Variants in TRIM55 observed in about 807,000 individuals in gnomAD.
The protein encoded by TRIM55 is tripartite motif containing 55, also known as tripartite motif-containing protein 55.
A neutral mutation model predicts 60.9 loss-of-function variants in TRIM55; 50 were observed. The observed-to-expected ratio is 0.82, with a 90% CI of 0.65 to 1.04. TRIM55 has a LOEUF of 1.04. Ranked by LOEUF, TRIM55 falls within the 50% of genes least tolerant of loss-of-function variation. TRIM55 has a pLI of 0.00. For missense variants in TRIM55, 681 were observed against 666.9 expected, an observed-to-expected ratio of 1.02 and a Z score of -0.23; for synonymous variants, 237 against 238.1, an observed-to-expected ratio of 1.00 and a Z score of 0.04.
chr8:66,171,082 A>C (rs1811600463), intron 9 of TRIM55, among the ~76,000 whole-genome samples: 1 of 152,168 alleles, frequency 6.6e-6, no homozygotes, highest in Non-Finnish European at 1.5e-5. Flanking sequence ...CTAAGGATGC[A>C]TTTCTTTTTT....
At position 66,149,828 on chromosome 8, in the gene TRIM55, G is replaced by T. The variant is rs759052558; in HGVS notation, c.787G>T (p.Glu263Ter). Reference sequence around the variant, plus strand: ...TTTGGAGAACGTCTCAAAGTTGGTTGAGTCAGGAATTCAGTTTATGGATGA... The same window carrying T: ...TTTGGAGAACGTCTCAAAGTTGGTTTAGTCAGGAATTCAGTTTATGGATGA... ...DHLENVSKLV[E>*]SGIQFMDEPE... Residue 263 changes from glutamate to a stop codon, truncating the protein, a stop_gained, in exon 5 of 10, where the codon GAG becomes TAG. Coordinates refer to ENST00000315962, the MANE Select transcript of TRIM55 (RefSeq NM_184085.2). LOFTEE classifies it high-confidence loss of function. The T allele has an allele frequency of 6.2e-7, 1 of 1,614,196 alleles. No individual in the cohort carries two copies. Among genetic ancestry groups the T allele is most frequent in the East Asian group, 2.2e-5 (1 of 44,870 alleles).
At chr8:66,146,772 G>A (rs1810117714) in intron 4 of TRIM55, among the ~76,000 whole-genome samples, 1 of 152,166 alleles carries the variant, frequency 6.6e-6, no homozygotes, top group South Asian at 2.1e-4. Flanking sequence ...CAGTTTCTAG[G>A]CCTGGTTGAA....
At position 66,155,524 on chromosome 8, in the gene TRIM55, G is replaced by A. The variant is rs548675494; in HGVS notation, c.1524+1190G>A. 65 of 851,728 alleles carry A rather than the reference G, an allele frequency of 7.6e-5. No individual in the cohort carries two copies. In the Admixed American group the frequency reaches 7.9e-4, roughly 10 times the overall value. 52.8% of individuals were successfully genotyped at this position (851,728 alleles called of 1,614,324 possible). On this transcript the variant is annotated intron_variant, in intron 9 of 9. Transcript: ENST00000315962. Reference sequence around the variant, plus strand: ...TAGTGCACTACCCCATGAAGAGCACGTAGTAGGGCTCAAGCCAAAATGAAA... The same window carrying A: ...TAGTGCACTACCCCATGAAGAGCACATAGTAGGGCTCAAGCCAAAATGAAA...
intron 4 of TRIM55, among the ~76,000 whole-genome samples, chr8:66,140,612 C>G (rs1809751542): frequency 6.6e-6 from 1 of 152,208 alleles, no homozygotes. Context: ...CTCCCAGAGC[C>G]AGTTCCATAT....
chr8:66,139,154 C>T (rs960311736), intron 4 of TRIM55, among the ~76,000 whole-genome samples: 4 of 152,168 alleles, frequency 2.6e-5, no homozygotes, highest in African/African-American at 9.7e-5. Context: ...AGGCAAAATA[C>T]AATTTGGTCA....
At chr8:66,124,443 A>G (rs983484869), upstream of TRIM55, among the ~76,000 whole-genome samples, 1 of 152,162 alleles carries the variant, frequency 6.6e-6, no homozygotes, top group Non-Finnish European at 1.5e-5. Context: ...GATCCCCTGC[A>G]TGCCTGTGCA....
At chr8:66,139,493 A>G (rs913547414) in intron 4 of TRIM55, among the ~76,000 whole-genome samples, 9 of 152,214 alleles carry the variant, frequency 5.9e-5, no homozygotes, top group African/African-American at 2.2e-4. Flanking sequence ...CATGGTAGGA[A>G]GTGCTGTTTT....
chr8:66,131,139 G>A (rs941882444), intron 2 of TRIM55, among the ~76,000 whole-genome samples: 3 of 152,148 alleles, frequency 2.0e-5, no homozygotes, highest in African/African-American at 7.2e-5. Context: ...TGTTCAGGGT[G>A]CCTAACACAT....
rs1382819593 is a variant in TRIM55, at chr8:66,149,726, A to G, written c.685A>G (p.Met229Val). ...CATTTTGGAGGAGAGGAAGAATGAA[A>G]TGACCCAAGTCATTACCCGAACCCA... The part of the protein sequence containing the change: ...YGILEERKNE[M>V]TQVITRTQEE... Residue 229 changes from methionine (M) to valine (V), a missense_variant, in exon 5 of 10, where the codon ATG becomes GTG. Met to Val is a conservative substitution (Grantham distance 21). Coordinates refer to ENST00000315962, the MANE Select transcript of TRIM55 (RefSeq NM_184085.2). 3 of 1,614,206 alleles carry G rather than the reference A, an allele frequency of 1.9e-6. No homozygotes were observed. Among genetic ancestry groups the G allele is most frequent in the Non-Finnish European group, 8.5e-7 (1 of 1,180,010 alleles).
At chr8:66,149,332 C>T (rs1400606415) in intron 4 of TRIM55, among the ~76,000 whole-genome samples, 1 of 152,076 alleles carries the variant, frequency 6.6e-6, no homozygotes, top group African/African-American at 2.4e-5. Context: ...CTATGTAACC[C>T]AAATATAATA....
chr8:66,165,856 C>T (rs6990624), intron 9 of TRIM55, among the ~76,000 whole-genome samples: 1 of 151,968 alleles, frequency 6.6e-6, no homozygotes, highest in Non-Finnish European at 1.5e-5. Context: ...GAGAGGGTAA[C>T]ATTTTTTTAA....
chr8:66,165,986 T>C (rs532398339), intron 9 of TRIM55, among the ~76,000 whole-genome samples: 5 of 152,134 alleles, frequency 3.3e-5, no homozygotes, highest in Non-Finnish European at 5.9e-5. Flanking sequence ...GTGCCAGATA[T>C]TGGGGGCCTT....
intron 3 of TRIM55, among the ~76,000 whole-genome samples, chr8:66,135,356 G>T (rs1468143224): frequency 6.6e-6 from 1 of 152,220 alleles, no homozygotes; most frequent in South Asian, 2.1e-4. Context: ...TTCCCTGGAC[G>T]GTGGGGGACC....
At chr8:66,151,180 A>T (rs1417726430) in intron 7 of TRIM55, among the ~76,000 whole-genome samples, 1 of 152,224 alleles carries the variant, frequency 6.6e-6, no homozygotes, top group Non-Finnish European at 1.5e-5. Context: ...CAAAATTTAG[A>T]GGACAAGAAT....
chr8:66,152,225 C>T, intron 7 of TRIM55, 152 bp from the exon 8 acceptor site: 2 of 1,049,772 alleles, frequency 1.9e-6, no homozygotes, highest in Non-Finnish European at 2.7e-6. Context: ...AGCACAAAGC[C>T]CTGGCACGGC....
chr8:66,148,226 ATAAT>A (rs139304173), intron 4 of TRIM55, among the ~76,000 whole-genome samples: 3,595 of 152,284 alleles, frequency 0.024, 127 homozygotes, highest in African/African-American at 0.081. Context: ...GATGAACTGG[ATAAT>A]TAATTATGAT....
At position 66,128,356 on chromosome 8, in the gene TRIM55, G is replaced by T; in HGVS notation, c.221G>T (p.Gly74Val). 1 of 1,613,584 alleles carries T rather than the reference G, an allele frequency of 6.2e-7. No homozygotes were observed. The highest frequency in any genetic ancestry group is 8.5e-7 in the Non-Finnish European group (1 of 1,179,706). The change falls in exon 2 of 10, where the codon GGC (glycine) becomes GTC (valine). Residue 74 changes from glycine (G) to valine (V), a missense_variant. By Grantham distance (109) the Gly-to-Val change is moderately radical. Coordinates refer to ENST00000315962, the MANE Select transcript of TRIM55 (RefSeq NM_184085.2). ...TRGGTTMASG[G>V]RFRCPSCRHE... Reference sequence around the variant, plus strand: ...GGAGGTACCACCATGGCATCAGGGGGCCGATTCCGCTGCCCATCCTGTAGA... The same window carrying T: ...GGAGGTACCACCATGGCATCAGGGGTCCGATTCCGCTGCCCATCCTGTAGA...
chr8:66,162,811 G>T (rs1811125055), intron 9 of TRIM55, among the ~76,000 whole-genome samples: 1 of 151,932 alleles, frequency 6.6e-6, no homozygotes, highest in South Asian at 2.1e-4. Context: ...AGAAAACTTT[G>T]CTTAACTCAA....
intron 9 of TRIM55, among the ~76,000 whole-genome samples, chr8:66,165,802 G>C (rs962828553): frequency 6.6e-6 from 1 of 152,114 alleles, no homozygotes; most frequent in Non-Finnish European, 1.5e-5. Flanking sequence ...AAGAAGCTAT[G>C]GTAGTGAGAT....
Sources: allele counts gnomAD v4.1 joint callset (sites outside exome capture counted in the v4.1 genomes callset), GRCh38; gene constraint gnomAD v4.1.1; transcripts MANE v1.5; gene names NCBI Gene and HGNC (gene_info 2026-07-23, HGNC 2026-07-21).